The following RBFOX1 variants were observed in gnomAD, a reference collection of about 807,000 sequenced individuals.
RBFOX1 encodes the protein RNA binding fox-1 homolog 1, also known as RNA binding protein fox-1 homolog 1.
RBFOX1 carries 8 observed loss-of-function variants against 57.7 expected under a neutral mutation model. That is an observed-to-expected ratio of 0.14 (90% CI 0.08 to 0.25). RBFOX1 has a LOEUF of 0.25. Ranked by LOEUF, RBFOX1 falls within the 10% of genes least tolerant of loss-of-function variation. RBFOX1 has a pLI of 1.00. For missense variants in RBFOX1, 611 were observed against 548.5 expected (o/e 1.11, Z -1.14); for synonymous variants, 326 against 222.4 (o/e 1.47, Z -4.15).
At chr16:6,448,995 A>G (rs2094540096) in intron 2 of RBFOX1, among the ~76,000 whole-genome samples, 1 of 152,192 alleles carries the variant, frequency 6.6e-6, no homozygotes, top group South Asian at 2.1e-4. Flanking sequence ...TTTTATATAA[A>G]CCTACATTGA....
chr16:6,326,380 T>C (rs575276285), intron 2 of RBFOX1, among the ~76,000 whole-genome samples: 25 of 152,290 alleles, frequency 1.6e-4, no homozygotes, highest in African/African-American at 5.3e-4. Context: ...AGATTAACTA[T>C]CACAGACTAG....
At position 5,947,487 on chromosome 16, in the gene RBFOX1, C is replaced by A. The variant is rs1431519287; in HGVS notation, c.351+80152C>A. ...TGCTCAAGCCATTTTCCTGCCTCTG[C>A]CAGTTTTTAAAATTTTTAGAGACAG... On this transcript the variant is annotated intron_variant, in intron 4 of 19. Coordinates refer to the RBFOX1 transcript ENST00000641259. The surrounding 1 kb of genome is among the most constrained non-coding windows in gnomAD (Gnocchi z 7.2). 6.6e-6 allele frequency among the ~76,000 whole-genome samples: 1 copy of A among 152,092 alleles called. No homozygotes were observed. Among genetic ancestry groups the A allele is most frequent in the Non-Finnish European group, 1.5e-5 (1 of 68,028 alleles).
At chr16:5,737,561 A>G (rs1597039884) in intron 3 of RBFOX1, among the ~76,000 whole-genome samples, 1 of 148,902 alleles carries the variant, frequency 6.7e-6, no homozygotes, top group East Asian at 2.0e-4. Flanking sequence ...ATGTACTACA[A>G]TTTTCTGCCT....
At chr16:7,360,065 G>T (rs989470046) in intron 4 of RBFOX1, among the ~76,000 whole-genome samples, 2 of 152,054 alleles carry the variant, frequency 1.3e-5, no homozygotes, top group Non-Finnish European at 2.9e-5. Flanking sequence ...TCTTTCTATA[G>T]TTGAAACAAC....
At chr16:6,120,231 T>C (rs1002361191) in intron 1 of RBFOX1, among the ~76,000 whole-genome samples, 4 of 152,244 alleles carry the variant, frequency 2.6e-5, no homozygotes, top group Non-Finnish European at 4.4e-5. Context: ...ATAGCTGCTA[T>C]GAATATTTAT....
intron 2 of RBFOX1, among the ~76,000 whole-genome samples, chr16:5,502,091 T>C (rs1014114858): frequency 1.3e-4 from 19 of 151,894 alleles, no homozygotes; most frequent in African/African-American, 4.6e-4. Flanking sequence ...GCAGCTACAA[T>C]TTAGAGTGAC....
intron 4 of RBFOX1, among the ~76,000 whole-genome samples, chr16:7,451,463 G>T (rs1456041302): frequency 6.6e-6 from 1 of 152,084 alleles, no homozygotes; most frequent in African/African-American, 2.4e-5. Context: ...TACATTTTGT[G>T]CTCGGGACCG....
chr16:5,433,549 G>A (rs1003112494), intron 1 of RBFOX1, among the ~76,000 whole-genome samples: 4 of 152,208 alleles, frequency 2.6e-5, no homozygotes, highest in Non-Finnish European at 5.9e-5. Flanking sequence ...GGGAGGCAGA[G>A]TAAGTGAGTG....
At chr16:6,092,362 A>T (rs1048210889) in intron 1 of RBFOX1, 5 of 152,216 alleles carry the variant, frequency 3.3e-5, no homozygotes, top group African/African-American at 1.2e-4. Context: ...TAAGGCTGGG[A>T]TGAATCCCTG....
chr16:6,942,959 G>T (rs2078820810), intron 3 of RBFOX1, among the ~76,000 whole-genome samples: 1 of 152,180 alleles, frequency 6.6e-6, no homozygotes, highest in Non-Finnish European at 1.5e-5. Context: ...ATGTGCTTTT[G>T]TGACTTGTTT....
intron 2 of RBFOX1, among the ~76,000 whole-genome samples, chr16:6,572,097 G>A (rs960131165): frequency 1.3e-5 from 2 of 152,146 alleles, no homozygotes; most frequent in African/African-American, 2.4e-5. Flanking sequence ...CTTAGCAAGC[G>A]TTCCAGGGTC....
At chr16:5,590,482 A>C (rs572937488) in intron 2 of RBFOX1, among the ~76,000 whole-genome samples, 1 of 152,264 alleles carries the variant, frequency 6.6e-6, no homozygotes, top group Non-Finnish European at 1.5e-5. Flanking sequence ...GGGTGGTTTG[A>C]TTCAGAATGG....
chr16:6,944,785 C>G (rs879470201), intron 3 of RBFOX1, among the ~76,000 whole-genome samples: 4 of 152,146 alleles, frequency 2.6e-5, no homozygotes, highest in Admixed American at 1.3e-4. Flanking sequence ...TGTATCTCAT[C>G]TATGCCAACT....
intron 2 of RBFOX1, among the ~76,000 whole-genome samples, chr16:5,571,677 G>A (rs1307729570): frequency 2.0e-5 from 3 of 152,164 alleles, no homozygotes; most frequent in African/African-American, 7.2e-5. Context: ...AAAGAATGCA[G>A]TCATGCAGGC....
intron 7 of RBFOX1, among the ~76,000 whole-genome samples, chr16:7,589,379 G>A (rs886988593): frequency 1.3e-5 from 2 of 152,150 alleles, no homozygotes; most frequent in Admixed American, 6.5e-5. Context: ...AAAGTACAAT[G>A]GTGATACTGT....
intron 4 of RBFOX1, among the ~76,000 whole-genome samples, chr16:7,212,711 C>A (rs907729687): frequency 6.6e-6 from 1 of 152,080 alleles, no homozygotes; most frequent in Non-Finnish European, 1.5e-5. Context: ...AGGACAAATA[C>A]CTAAAGCATG....
chr16:7,487,146 C>T (rs762469710), intron 4 of RBFOX1, among the ~76,000 whole-genome samples: 7 of 152,126 alleles, frequency 4.6e-5, no homozygotes, highest in African/African-American at 7.2e-5. Context: ...GTGATTTACC[C>T]GCCTCGGCCT....
intron 1 of RBFOX1, among the ~76,000 whole-genome samples, chr16:6,246,664 A>C (rs2152935993): frequency 6.6e-6 from 1 of 152,334 alleles, no homozygotes; most frequent in Non-Finnish European, 1.5e-5. Flanking sequence ...TAGATGTCAC[A>C]GTCATCTATG....
chr16:6,172,628 G>C lies in RBFOX1; in HGVS notation c.-126-144367G>C, dbSNP rs1200193127. On this transcript the variant is annotated intron_variant, in intron 1 of 15. Transcript: ENST00000550418. ...TCCTGAGTTCAAGTTCTGTCCCTCT[G>C]GATTATTCAATGTAGAAACTTCATC... Among the ~76,000 whole-genome samples, 3 of 152,224 alleles carry C rather than the reference G, an allele frequency of 2.0e-5. No homozygotes were observed. The East Asian group carries it at 5.8e-4, about 29-fold the overall frequency.
Sources: gnomAD v4.1 joint callset for allele counts (sites outside exome capture counted in the v4.1 genomes callset) on GRCh38, gnomAD v4.1.1 for gene constraint, Gnocchi (gnomAD v3.1) non-coding constraint, MANE v1.5 for transcripts, NCBI Gene and HGNC (gene_info 2026-07-23, HGNC 2026-07-21) for gene names.